ZFAT: variants seen among roughly 807,000 people sequenced by gnomAD.
The protein encoded by ZFAT is zinc finger protein ZFAT.
A neutral mutation model predicts 117.7 loss-of-function variants in ZFAT; 64 were observed. The ratio of observed to expected loss-of-function variants is 0.54; its 90% CI spans 0.44 to 0.67. The LOEUF (loss-of-function observed/expected upper bound fraction) is 0.67. Among genes scored for constraint, ZFAT ranks in the 30% least tolerant of loss-of-function variants. ZFAT has a pLI of 0.00. For synonymous variants in ZFAT, 679 were observed against 615.0 expected (o/e 1.10, Z -1.54); for missense variants, 1,433 against 1,584.5 (o/e 0.90, Z 1.62).
intron 12 of ZFAT, 124 bp downstream of exon 12, chr8:134,532,710 A>G: frequency 7.8e-7 from 1 of 1,289,516 alleles, no homozygotes; most frequent in East Asian, 2.5e-5. Context: ...GACGATGAAG[A>G]ATGAACATCA....
At chr8:134,563,382 T>A (rs925426180) in intron 11 of ZFAT, among the ~76,000 whole-genome samples, 1 of 152,212 alleles carries the variant, frequency 6.6e-6, no homozygotes, top group African/African-American at 2.4e-5. Context: ...ATGAAGTCCA[T>A]GTTTTAGCTT....
intron 1 of ZFAT, among the ~76,000 whole-genome samples, chr8:134,687,904 G>A (rs186111753): frequency 9.9e-5 from 15 of 152,278 alleles, no homozygotes; most frequent in Non-Finnish European, 1.8e-4. Context: ...CCTGCCTCTC[G>A]TCTTGTTTCT....
At chr8:134,817,412 C>CT in the ZFAT span, among the ~76,000 whole-genome samples, 9,793 of 115,492 alleles carry the variant, frequency 0.085, 419 homozygotes, top group African/African-American at 0.13. Context: ...CACACACACA[C>CT]ACACACACAC....
the ZFAT span, among the ~76,000 whole-genome samples, chr8:134,731,011 A>G: frequency 6.6e-6 from 1 of 152,216 alleles, no homozygotes; most frequent in South Asian, 2.1e-4. Flanking sequence ...GGAGGTGTCC[A>G]AGCACAAACA....
At chr8:134,575,267 G>T (rs1825214307) in intron 10 of ZFAT, among the ~76,000 whole-genome samples, 1 of 152,212 alleles carries the variant, frequency 6.6e-6, no homozygotes, top group South Asian at 2.1e-4. Flanking sequence ...TTAAGCTAAA[G>T]ATCTTGAGCT....
At chr8:134,623,126 A>G (rs1459891404) in intron 3 of ZFAT, among the ~76,000 whole-genome samples, 6 of 151,962 alleles carry the variant, frequency 3.9e-5, no homozygotes, top group Admixed American at 3.3e-4. Flanking sequence ...TCCCACTACA[A>G]GCATCTCCCA....
At chr8:134,792,514 C>A in the ZFAT span, 111 of 152,260 alleles carry the variant, frequency 7.3e-4, 1 homozygote, top group African/African-American at 2.6e-3. Flanking sequence ...AGAGTATCAA[C>A]TAATTTAAAT....
chr8:134,619,746 G>A (rs1031184474), intron 3 of ZFAT, among the ~76,000 whole-genome samples: 1 of 152,196 alleles, frequency 6.6e-6, no homozygotes, highest in African/African-American at 2.4e-5. Context: ...TCAGGACGCT[G>A]CACATGCCAC....
At chr8:134,827,031 T>C in the ZFAT span, among the ~76,000 whole-genome samples, 1 of 152,188 alleles carries the variant, frequency 6.6e-6, no homozygotes, top group Non-Finnish European at 1.5e-5. Context: ...ACTAAAACTC[T>C]GAACTCAGCC....
intron 5 of ZFAT, among the ~76,000 whole-genome samples, chr8:134,608,284 G>A (rs1828042634): frequency 6.6e-6 from 1 of 152,166 alleles, no homozygotes; most frequent in African/African-American, 2.4e-5. Flanking sequence ...GTAACTCTAG[G>A]TTACTTTAAT....
rs997914448 is a variant in ZFAT, at chr8:134,639,677, C to T, written c.197-1965G>A. The T allele has an allele frequency of 4.6e-5, 21 of 456,134 alleles. No individual in the cohort carries two copies. The Middle Eastern group carries it at 1.6e-3, about 35-fold the overall frequency. 28.3% of individuals were successfully genotyped at this position (456,134 alleles called of 1,614,324 possible). ...CCTTGGAGTCTTTAAAACTTTTCTC[C>T]TTATTCTTCTTCACAACAACGTGTA... On this transcript the variant is annotated intron_variant, in intron 2 of 15. Transcript: ENST00000377838.
At chr8:134,548,839 T>A (rs1822904666) in intron 11 of ZFAT, among the ~76,000 whole-genome samples, 1 of 152,132 alleles carries the variant, frequency 6.6e-6, no homozygotes, top group Non-Finnish European at 1.5e-5. Flanking sequence ...AAGCTGAGCT[T>A]CCTGAGGACA....
intron 12 of ZFAT, among the ~76,000 whole-genome samples, chr8:134,531,422 AT>A (rs1821393283): frequency 6.6e-6 from 1 of 152,358 alleles, no homozygotes; most frequent in East Asian, 1.9e-4. Flanking sequence ...GTCATAAAAA[AT>A]AATGCGATGG....
the ZFAT span, among the ~76,000 whole-genome samples, chr8:134,799,548 T>C: frequency 1.8e-4 from 28 of 152,358 alleles, no homozygotes; most frequent in Non-Finnish European, 2.2e-4. Context: ...TATTAGCTTA[T>C]TTTTAAATTG....
chr8:134,485,450 G>C (rs1817599392), intron 15 of ZFAT, among the ~76,000 whole-genome samples: 2 of 152,190 alleles, frequency 1.3e-5, no homozygotes, highest in Non-Finnish European at 2.9e-5. Flanking sequence ...AGTACCCTCT[G>C]CCTGGGAAAC....
At chr8:134,637,019 A>G (rs1413230091) in intron 3 of ZFAT, among the ~76,000 whole-genome samples, 3 of 152,218 alleles carry the variant, frequency 2.0e-5, no homozygotes, top group Admixed American at 1.3e-4. Context: ...GGCCCCATCC[A>G]TCCACTAAGA....
the ZFAT span, among the ~76,000 whole-genome samples, chr8:134,734,327 TC>T: frequency 3.0e-4 from 45 of 152,356 alleles, 1 homozygote; most frequent in African/African-American, 1.0e-3. Context: ...TTCAGGCTGT[TC>T]CTATACCCTT....
intron 15 of ZFAT, among the ~76,000 whole-genome samples, chr8:134,498,362 G>T (rs1180562958): frequency 7.6e-6 from 1 of 131,904 alleles, no homozygotes. Context: ...TACACACACA[G>T]CCTGATTTGG....
intron 12 of ZFAT, among the ~76,000 whole-genome samples, chr8:134,529,910 G>A (rs1157400841): frequency 1.3e-5 from 2 of 152,148 alleles, no homozygotes; most frequent in African/African-American, 4.8e-5. Flanking sequence ...CATGGAGAAT[G>A]CCATAGTACC....
Sources: gnomAD v4.1 joint callset for allele counts (sites outside exome capture counted in the v4.1 genomes callset) on GRCh38, gnomAD v4.1.1 for gene constraint, MANE v1.5 for transcripts, NCBI Gene and HGNC (gene_info 2026-07-23, HGNC 2026-07-21) for gene names.